GNB5: variants seen among roughly 807,000 people sequenced by gnomAD.
The protein encoded by GNB5 is guanine nucleotide-binding protein subunit beta-5.
GNB5 carries 37 observed loss-of-function variants against 55.3 expected under a neutral mutation model. The observed-to-expected ratio is 0.67, with a 90% CI of 0.51 to 0.88. GNB5 has a LOEUF of 0.88. Among genes scored for constraint, GNB5 ranks in the 40% least tolerant of loss-of-function variants. The probability of loss-of-function intolerance (pLI) is 0.00; values close to 1 mark genes in which losing one functional copy is unlikely to be tolerated. For synonymous variants in GNB5, 219 were observed against 198.5 expected (o/e 1.10, Z -0.87); for missense variants, 476 against 515.3 (o/e 0.92, Z 0.74).
Position 52,184,577 on chromosome 15 carries a change from T to G in GNB5, c.100A>C (p.Ser34Arg). The G allele has an allele frequency of 1.2e-6, 2 of 1,613,430 alleles. No individual in the cohort carries two copies. The highest frequency in any genetic ancestry group is 1.7e-6 in the Non-Finnish European group (2 of 1,179,320). ...RPVFKKSQQL[S>R]YCSTCAEIMA... Reference sequence around the variant, plus strand: ...ATTTCTGCACATGTTGAACAGTAGCTGAGTTGTTGAGACTTCTTGAAAACT... The same window carrying G: ...ATTTCTGCACATGTTGAACAGTAGCGGAGTTGTTGAGACTTCTTGAAAACT... Residue 34 changes from serine to arginine, a missense_variant, in exon 2 of 13, where the codon AGC becomes CGC. By Grantham distance (110) the Ser-to-Arg change is moderately radical. Transcript: ENST00000261837.
chr15:52,189,552 CCTGGGCAATGCAGTGAGACTCCGT>C (rs1432440112), intron 1 of GNB5, among the ~76,000 whole-genome samples: 1 of 152,126 alleles, frequency 6.6e-6, no homozygotes, highest in African/African-American at 2.4e-5. Context: ...TGAAATCCAG[CCTGGGCAATGCAGTGAGACTCCGT>C]CTCAGAACAA....
intron 10 of GNB5, among the ~76,000 whole-genome samples, chr15:52,127,270 A>C (rs2033453604): frequency 6.6e-6 from 1 of 152,222 alleles, no homozygotes; most frequent in African/African-American, 2.4e-5. Flanking sequence ...AACTTAAAAC[A>C]TGCAATTCTT....
At chr15:52,178,462 A>G (rs78713942) in intron 3 of GNB5, among the ~76,000 whole-genome samples, 7,494 of 152,238 alleles carry the variant, frequency 0.049, 235 homozygotes, top group African/African-American at 0.087. Context: ...TGGCAATCAT[A>G]TTATAATCAT....
At chr15:52,143,763 C>T (rs1801772115) in intron 6 of GNB5, 1 of 152,174 alleles carries the variant, frequency 6.6e-6, no homozygotes, top group Admixed American at 6.5e-5. Flanking sequence ...GTCACACAGT[C>T]ATGGTTGGGA....
chr15:52,161,301 CCT>C (rs1413585109), intron 3 of GNB5, among the ~76,000 whole-genome samples: 1 of 152,062 alleles, frequency 6.6e-6, no homozygotes, highest in African/African-American at 2.4e-5. Context: ...ATCCTCCATG[CCT>C]CTTTCTTTTT....
chr15:52,164,199 T>G (rs2034400787), intron 3 of GNB5, among the ~76,000 whole-genome samples: 1 of 150,494 alleles, frequency 6.6e-6, no homozygotes, highest in Non-Finnish European at 1.5e-5. Context: ...TCCCAGCTAC[T>G]CGGGGGGCTG....
At chr15:52,152,640 T>C (rs1412765224) in intron 4 of GNB5, among the ~76,000 whole-genome samples, 5 of 150,662 alleles carry the variant, frequency 3.3e-5, no homozygotes, top group Admixed American at 6.6e-5. Flanking sequence ...TCTCTCTTTT[T>C]TTTTTTTTGA....
At chr15:52,163,954 T>C (rs1414868395) in intron 3 of GNB5, among the ~76,000 whole-genome samples, 2 of 152,002 alleles carry the variant, frequency 1.3e-5, no homozygotes, top group African/African-American at 4.8e-5. Context: ...GCAATAAGGG[T>C]CTGGAGTGGA....
chr15:52,141,318 G>C (rs1164873072), intron 6 of GNB5, 46 bp from the exon 7 acceptor site: 1 of 1,550,636 alleles, frequency 6.4e-7, no homozygotes, highest in Admixed American at 1.7e-5. Context: ...CAGAGTCACA[G>C]AATATGTGTC....
At chr15:52,185,575 G>A (rs1486154776) in intron 1 of GNB5, among the ~76,000 whole-genome samples, 1 of 152,074 alleles carries the variant, frequency 6.6e-6, no homozygotes, top group East Asian at 1.9e-4. Context: ...GCCAAAGAAA[G>A]CATAAGAGGA....
At chr15:52,152,065 T>G (rs2034107369) in intron 4 of GNB5, among the ~76,000 whole-genome samples, 1 of 151,870 alleles carries the variant, frequency 6.6e-6, no homozygotes, top group African/African-American at 2.4e-5. Flanking sequence ...ACATAAGTGA[T>G]AAATTTATTT....
intron 3 of GNB5, among the ~76,000 whole-genome samples, chr15:52,154,917 G>A (rs1032490019): frequency 3.3e-5 from 5 of 152,226 alleles, no homozygotes; most frequent in African/African-American, 9.6e-5. Context: ...CTTTCCTGAG[G>A]CCAAGGGCAG....
chr15:52,183,681 TTGTTTTTTTAAATG>T (rs1264790345), intron 2 of GNB5, among the ~76,000 whole-genome samples: 1 of 152,220 alleles, frequency 6.6e-6, no homozygotes, highest in East Asian at 1.9e-4. Context: ...GATTTTGTTG[TTGTTTTTTTAAATG>T]TGTGGGGATT....
chr15:52,126,502 C>T (rs4776005), intron 10 of GNB5, among the ~76,000 whole-genome samples: 3 of 152,122 alleles, frequency 2.0e-5, no homozygotes, highest in African/African-American at 7.2e-5. Flanking sequence ...TTCATTATTG[C>T]TTTTATTAAC....
chr15:52,181,669 G>A (rs571581324), intron 2 of GNB5, among the ~76,000 whole-genome samples: 10 of 152,076 alleles, frequency 6.6e-5, no homozygotes, highest in Non-Finnish European at 1.3e-4. Flanking sequence ...TGTGGGTGAA[G>A]ACTTTAGCAG....
chr15:52,164,579 G>C (rs917302210), intron 3 of GNB5, among the ~76,000 whole-genome samples: 1 of 152,050 alleles, frequency 6.6e-6, no homozygotes, highest in Non-Finnish European at 1.5e-5. Flanking sequence ...AGTGAGCCGA[G>C]AGCACGACAC....
chr15:52,177,065 C>T (rs970398132), intron 3 of GNB5, among the ~76,000 whole-genome samples: 2 of 132,900 alleles, frequency 1.5e-5, no homozygotes, highest in Non-Finnish European at 3.1e-5. Flanking sequence ...GACGGAGTCT[C>T]GCTCTGTCGC....
At chr15:52,166,507 A>G (rs1425724849) in intron 3 of GNB5, among the ~76,000 whole-genome samples, 1 of 152,230 alleles carries the variant, frequency 6.6e-6, no homozygotes, top group East Asian at 1.9e-4. Context: ...GCGAAATCAA[A>G]TTAGAACTCA....
At chr15:52,155,884 G>T (rs960521559) in intron 3 of GNB5, among the ~76,000 whole-genome samples, 2 of 152,138 alleles carry the variant, frequency 1.3e-5, no homozygotes, top group African/African-American at 4.8e-5. Context: ...TTTATCTTTT[G>T]TAATGAAAAG....
Sources: gnomAD v4.1 joint callset for allele counts (sites outside exome capture counted in the v4.1 genomes callset) on GRCh38, gnomAD v4.1.1 for gene constraint, MANE v1.5 for transcripts, NCBI Gene and HGNC (gene_info 2026-07-23, HGNC 2026-07-21) for gene names.